The following RUFY1 variants were observed in gnomAD, a reference collection of about 807,000 sequenced individuals.
RUFY1 encodes the protein RUN and FYVE domain-containing protein 1.
In RUFY1, 54 loss-of-function variants were observed where a neutral mutation model predicts 94.6. The ratio of observed to expected loss-of-function variants is 0.57; its 90% CI spans 0.46 to 0.72. RUFY1 has a LOEUF of 0.72. Among genes scored for constraint, RUFY1 ranks in the 30% least tolerant of loss-of-function variants. The pLI is 0.00. For synonymous variants in RUFY1, 396 were observed against 347.3 expected, an observed-to-expected ratio of 1.14 and a Z score of -1.56; for missense variants, 883 against 883.9, an observed-to-expected ratio of 1.00 and a Z score of 0.01.
chr5:179,551,355 C>A (rs1443677666), intron 1 of RUFY1, among the ~76,000 whole-genome samples: 1 of 152,210 alleles, frequency 6.6e-6, no homozygotes, highest in Non-Finnish European at 1.5e-5. Flanking sequence ...ACCTTTTCAG[C>A]CCTTGTAATG....
intron 14 of RUFY1, among the ~76,000 whole-genome samples, chr5:179,601,603 G>A (rs1398782596): frequency 2.0e-5 from 3 of 150,498 alleles, no homozygotes; most frequent in Admixed American, 6.6e-5. Context: ...GGCAGATCAC[G>A]AGGTCAGGAG....
rs1204115372 is a variant in RUFY1, at chr5:179,562,549, A to G, written c.487A>G (p.Lys163Glu). 1.3e-6 allele frequency: 2 copies of G among 1,585,292 alleles called. No homozygotes were observed. ...AACACTTTTGTTTTTCCTTTTAGTT[A>G]AGAAGAGTTTTATTGGCCAAAATAA... ...EHCLKHGLKV[K>E]KSFIGQNKSF... The change falls in exon 3 of 18, where the codon AAG becomes GAG. Residue 163 changes from lysine (K) to glutamate (E), a missense_variant and splice_region_variant. By Grantham distance (56) the Lys-to-Glu change is moderately conservative. Transcript: ENST00000319449.
At chr5:179,579,402 C>T (rs992199306) in intron 6 of RUFY1, among the ~76,000 whole-genome samples, 1 of 152,202 alleles carries the variant, frequency 6.6e-6, no homozygotes. Flanking sequence ...ACTATCTGAG[C>T]GCACTGCAAC....
chr5:179,584,952 A>T (rs942115723), intron 7 of RUFY1, among the ~76,000 whole-genome samples: 1 of 151,750 alleles, frequency 6.6e-6, no homozygotes, highest in South Asian at 2.1e-4. Context: ...TGGCTAACAC[A>T]GTGAAACCCC....
At chr5:179,599,227 GGCCCT>G in intron 14 of RUFY1, 1 of 168,608 alleles carries the variant, frequency 5.9e-6, no homozygotes, top group Middle Eastern at 2.7e-3. Flanking sequence ...GCCCTTCATG[GGCCCT>G]GGGAGCCAGG....
chr5:179,562,737 T>C lies in RUFY1; in HGVS notation c.602+73T>C, dbSNP rs1444280479. The C allele has an allele frequency of 1.1e-5, 9 of 830,980 alleles. No homozygotes were observed. The Admixed American group carries it at 1.7e-4, about 16-fold the overall frequency. 51.5% of individuals were successfully genotyped at this position (830,980 alleles called of 1,614,324 possible). A position where few individuals can be genotyped will look rare whatever the true frequency, so the allele number is the denominator to read the frequency against. On this transcript the variant is annotated intron_variant, in intron 3 of 17. Transcript: ENST00000319449. The stretch of plus-strand genomic sequence containing the variant: ...CATATTTACTCATTTCTCAATTCCT[T>C]GCTGATGAAGCCCTTTCTAATTGGA...
intron 1 of RUFY1, 198 bp from the exon 2 acceptor site, chr5:179,559,815 ACCCAAGGCCCCG>A: frequency 7.5e-7 from 1 of 1,328,362 alleles, no homozygotes; most frequent in Admixed American, 3.5e-5. Context: ...GGCTCTTCTG[ACCCAAGGCCCCG>A]CCGTCCAGGT....
intron 11 of RUFY1, 22 bp from the exon 12 acceptor site, chr5:179,594,844 A>T: frequency 3.9e-6 from 6 of 1,535,164 alleles, no homozygotes; most frequent in Non-Finnish European, 3.6e-6. Flanking sequence ...GCAGAGTATG[A>T]ACCCTTCCTT....
Position 179,550,628 on chromosome 5 carries a change from T to TGGAGCC in RUFY1, c.62_67dup (p.Glu21_Pro22dup), listed in dbSNP as rs1274798327. On this transcript the variant is annotated inframe_insertion, in exon 1 of 18. Coordinates refer to ENST00000319449, the MANE Select transcript of RUFY1 (RefSeq NM_025158.5). ...CGGGGGCGGGAGCTGGAGCCGGAGC[T>TGGAGCC]GGAGCCGGGGCCGGGGCCCGGGTCA... is the stretch of plus-strand genomic sequence containing the variant. The TGGAGCC allele has an allele frequency of 3.7e-6, 5 of 1,340,252 alleles. No individual in the cohort carries two copies. The Admixed American group carries it at 9.4e-5, about 25-fold the overall frequency. The allele number at this position is 1,340,252 out of a possible 1,614,324, so 83.0% of individuals were successfully genotyped here.
intron 8 of RUFY1, chr5:179,589,345 G>T: frequency 1.9e-6 from 1 of 524,550 alleles, no homozygotes; most frequent in Non-Finnish European, 3.5e-6. Context: ...TAGGGGCAAG[G>T]GCGGAGGAGA....
At chr5:179,586,773 G>A (rs1764638718) in intron 8 of RUFY1, among the ~76,000 whole-genome samples, 1 of 152,166 alleles carries the variant, frequency 6.6e-6, no homozygotes, top group African/African-American at 2.4e-5. Flanking sequence ...ACTTAGGATT[G>A]GAGGCTTCAC....
At chr5:179,558,513 A>G (rs1013907975) in intron 1 of RUFY1, among the ~76,000 whole-genome samples, 3 of 151,792 alleles carry the variant, frequency 2.0e-5, no homozygotes, top group African/African-American at 7.3e-5. Context: ...CGAAGGTTGC[A>G]GTGAGCCGAG....
At chr5:179,581,544 C>G (rs948902391) in intron 7 of RUFY1, among the ~76,000 whole-genome samples, 1 of 146,126 alleles carries the variant, frequency 6.8e-6, no homozygotes, top group Non-Finnish European at 1.5e-5. Context: ...TATTCCCTTT[C>G]TGAGTCCCCT....
At chr5:179,606,250 A>C in intron 16 of RUFY1, 1 of 360,418 alleles carries the variant, frequency 2.8e-6, no homozygotes, top group South Asian at 3.1e-5. Context: ...ACAGTGGAAA[A>C]CAGGCCCTTC....
At chr5:179,604,196 T>C (rs969990203) in intron 15 of RUFY1, among the ~76,000 whole-genome samples, 1 of 152,170 alleles carries the variant, frequency 6.6e-6, no homozygotes, top group Non-Finnish European at 1.5e-5. Flanking sequence ...GCATCAGGTG[T>C]TTGCAAACCC....
intron 3 of RUFY1, among the ~76,000 whole-genome samples, chr5:179,565,705 A>T (rs1762785202): frequency 1.3e-5 from 2 of 152,170 alleles, no homozygotes; most frequent in Non-Finnish European, 2.9e-5. Context: ...GCTGTCTTCA[A>T]ATTCTTGTTA....
Position 179,569,502 on chromosome 5 carries a change from G to A in RUFY1, c.828+77G>A, listed in dbSNP as rs1763065500. 30 of 1,469,712 alleles carry A rather than the reference G, an allele frequency of 2.0e-5. 1 individual carries two copies. The South Asian group carries it at 3.4e-4, about 17-fold the overall frequency. 91.0% of individuals were successfully genotyped at this position (1,469,712 alleles called of 1,614,324 possible). ...TACATAGGATCTGCAAACAGGTACT[G>A]AACCCAAAGAAGGGCAAATGGCAAA... On this transcript the variant is annotated intron_variant, in intron 5 of 17. Coordinates refer to ENST00000319449, the MANE Select transcript of RUFY1 (RefSeq NM_025158.5).
chr5:179,605,984 C>A, intron 16 of RUFY1, 60 bp downstream of exon 16: 9 of 1,150,204 alleles, frequency 7.8e-6, no homozygotes, highest in Non-Finnish European at 1.2e-5. Context: ...CCCGTGTGCT[C>A]GTACGTTTAA....
chr5:179,558,143 C>T (rs1041108596), intron 1 of RUFY1, among the ~76,000 whole-genome samples: 1 of 152,116 alleles, frequency 6.6e-6, no homozygotes, highest in African/African-American at 2.4e-5. Flanking sequence ...TTACAAATTG[C>T]TTTTATGGTT....
Sources: gnomAD v4.1 joint callset for allele counts (sites outside exome capture counted in the v4.1 genomes callset) on GRCh38, gnomAD v4.1.1 for gene constraint, MANE v1.5 for transcripts, NCBI Gene and HGNC (gene_info 2026-07-23, HGNC 2026-07-21) for gene names.